The following POLA1 variants were observed in gnomAD, a reference collection of about 807,000 sequenced individuals.
POLA1 encodes DNA polymerase alpha 1, catalytic subunit.
In POLA1, 15 loss-of-function variants were observed where a neutral mutation model predicts 124.0. The ratio of observed to expected loss-of-function variants is 0.12; its 90% CI spans 0.08 to 0.19. The LOEUF is 0.19. Among genes scored for constraint, POLA1 ranks in the 10% least tolerant of loss-of-function variants. The pLI is 1.00. For missense variants in POLA1, 886 were observed against 1,103.4 expected (o/e 0.80, Z 2.79); for synonymous variants, 408 against 389.4 (o/e 1.05, Z -0.56).
In POLA1 at chrX:24,841,772, A is replaced by T. The variant is rs575609660; in HGVS notation, c.3857A>T (p.Lys1286Ile). 1 of 1,200,325 alleles carries T rather than the reference A, an allele frequency of 8.3e-7. No individual in the cohort carries two copies. The highest frequency in any genetic ancestry group is 1.8e-5 in the South Asian group (1 of 56,315). The stretch of plus-strand genomic sequence containing the variant: ...AAATACAGGGACTGTGAAAGATTCA[A>T]ATGTCCATGCCCTACATGTGGAACT... ...EEKYRDCERF[K>I]CPCPTCGTEN... Residue 1286 changes from lysine to isoleucine, a missense_variant, in exon 33 of 37, where the codon AAA (lysine) becomes ATA (isoleucine). Physicochemically the swap from Lys to Ile is moderately radical, Grantham distance 102 (BLOSUM62 -3). Coordinates refer to ENST00000379068, the MANE Select transcript of POLA1 (RefSeq NM_001330360.2).
intron 26 of POLA1, among the ~76,000 whole-genome samples, chrX:24,796,272 A>G (rs2045604112): frequency 9.0e-6 from 1 of 111,553 alleles, no homozygotes; most frequent in Non-Finnish European, 1.9e-5. Context: ...TTGGTTGCAC[A>G]TGACAAAGCA....
chrX:24,818,253 G>A (rs2046026766), intron 30 of POLA1, among the ~76,000 whole-genome samples: 1 of 109,474 alleles, frequency 9.1e-6, no homozygotes, highest in Admixed American at 9.8e-5. Flanking sequence ...TCCCCAAATA[G>A]CCTACATCTA....
At chrX:24,906,799 T>A (rs1257208570) in intron 35 of POLA1, among the ~76,000 whole-genome samples, 1 of 109,704 alleles carries the variant, frequency 9.1e-6, no homozygotes, top group Non-Finnish European at 1.9e-5. Context: ...AAGCAAAAAA[T>A]ATAATTACCA....
chrX:24,830,075 T>A lies in POLA1; in HGVS notation c.3736+3474T>A, dbSNP rs184094139. 2.7e-5 allele frequency among the ~76,000 whole-genome samples: 3 copies of A among 112,438 alleles called. No individual in the cohort carries two copies. In the East Asian group the frequency reaches 8.3e-4, roughly 31 times the overall value. On this transcript the variant is annotated intron_variant, in intron 32 of 36. Transcript: ENST00000379068. ...GAAGTTTGATACTTTGTCCTTTTAG[T>A]TAGTACAAAGAAATCAGGAATAATG...
chrX:24,966,997 G>T (rs1356728785), intron 36 of POLA1, among the ~76,000 whole-genome samples: 2 of 111,293 alleles, frequency 1.8e-5, no homozygotes, highest in Non-Finnish European at 3.8e-5. Context: ...TAACATTTTG[G>T]TGTTGAATTT....
At chrX:24,820,712 G>GTT (rs1314702695) in intron 30 of POLA1, among the ~76,000 whole-genome samples, 2 of 100,021 alleles carry the variant, frequency 2.0e-5, no homozygotes, top group Non-Finnish European at 2.0e-5. Context: ...TATTTTAGAG[G>GTT]TTTTTTTTTT....
intron 34 of POLA1, among the ~76,000 whole-genome samples, chrX:24,856,839 AT>A (rs547364341): frequency 6.4e-4 from 66 of 102,666 alleles, no homozygotes; most frequent in African/African-American, 1.3e-3. Context: ...AAAAAATTGG[AT>A]TTTTTTTTTT....
At chrX:24,871,116 G>C (rs975285632) in intron 34 of POLA1, among the ~76,000 whole-genome samples, 3 of 111,994 alleles carry the variant, frequency 2.7e-5, no homozygotes, top group African/African-American at 9.7e-5. Context: ...CCTTTTATCT[G>C]TCATTGTAGC....
intron 36 of POLA1, among the ~76,000 whole-genome samples, chrX:24,982,537 A>G (rs1214634500): frequency 1.8e-5 from 2 of 110,921 alleles, no homozygotes; most frequent in African/African-American, 3.3e-5. Context: ...TGGAAATAGC[A>G]GGAGAGTGAG....
chrX:24,989,731 C>T (rs371290729), intron 36 of POLA1, among the ~76,000 whole-genome samples: 3 of 107,095 alleles, frequency 2.8e-5, no homozygotes, highest in East Asian at 2.9e-4. Context: ...AAGGTTTTTG[C>T]GAATTGCAGT....
At chrX:24,718,280 C>T (rs967423677) in intron 10 of POLA1, among the ~76,000 whole-genome samples, 4 of 111,269 alleles carry the variant, frequency 3.6e-5, no homozygotes, top group Non-Finnish European at 7.5e-5. Flanking sequence ...GGTGGGGGCA[C>T]ATTAGCAGTA....
intron 36 of POLA1, among the ~76,000 whole-genome samples, chrX:24,972,706 A>G (rs1369626664): frequency 8.9e-6 from 1 of 112,277 alleles, no homozygotes; most frequent in Non-Finnish European, 1.9e-5. Context: ...TGGCTGTCAC[A>G]GGTTTGCAGA....
intron 35 of POLA1, among the ~76,000 whole-genome samples, chrX:24,905,289 C>A (rs899156912): frequency 9.3e-6 from 1 of 108,074 alleles, no homozygotes; most frequent in African/African-American, 3.4e-5. Context: ...ATGAAAATAC[C>A]AACAATTTTC....
chrX:24,934,583 G>A (rs963926247), intron 36 of POLA1, among the ~76,000 whole-genome samples: 5 of 112,062 alleles, frequency 4.5e-5, no homozygotes, highest in African/African-American at 1.6e-4. Flanking sequence ...CATATTCTGT[G>A]TCAGCTATTA....
chrX:24,734,881 G>A (rs773647538), intron 17 of POLA1, among the ~76,000 whole-genome samples: 3 of 111,994 alleles, frequency 2.7e-5, no homozygotes, highest in Non-Finnish European at 3.8e-5. Context: ...CTCCCAAAGT[G>A]CTGGGATTAC....
At chrX:24,721,954 C>T (rs1320434891) in intron 10 of POLA1, among the ~76,000 whole-genome samples, 1 of 110,514 alleles carries the variant, frequency 9.0e-6, no homozygotes, top group Non-Finnish European at 1.9e-5. Context: ...CTTAATCTTC[C>T]CATAGTCCTT....
At chrX:24,855,859 T>C (rs1013006454) in intron 34 of POLA1, among the ~76,000 whole-genome samples, 6 of 111,606 alleles carry the variant, frequency 5.4e-5, no homozygotes, top group African/African-American at 2.0e-4. Context: ...GCTCACCATA[T>C]GTGTGGGTTT....
chrX:24,875,879 T>C (rs1007283114), intron 34 of POLA1, among the ~76,000 whole-genome samples: 1 of 111,908 alleles, frequency 8.9e-6, no homozygotes, highest in African/African-American at 3.3e-5. Context: ...ATTTTTCTTT[T>C]CTCATCCTGA....
intron 13 of POLA1, among the ~76,000 whole-genome samples, chrX:24,726,633 A>G (rs1178845687): frequency 8.0e-5 from 9 of 112,339 alleles, no homozygotes; most frequent in Non-Finnish European, 1.3e-4. Context: ...TTACTTGGCT[A>G]TTCTTTATCA....
Sources: gnomAD v4.1 joint callset for allele counts (sites outside exome capture counted in the v4.1 genomes callset) on GRCh38, gnomAD v4.1.1 for gene constraint, MANE v1.5 for transcripts, NCBI Gene and HGNC (gene_info 2026-07-23, HGNC 2026-07-21) for gene names.